AUTS2: variants seen among roughly 807,000 people sequenced by gnomAD.
The protein encoded by AUTS2 is autism susceptibility gene 2 protein.
In AUTS2, 17 loss-of-function variants were observed where a neutral mutation model predicts 112.4. The ratio of observed to expected loss-of-function variants is 0.15; its 90% CI spans 0.10 to 0.23. The LOEUF (loss-of-function observed/expected upper bound fraction) is 0.23. Ranked by LOEUF, AUTS2 falls within the 10% of genes least tolerant of loss-of-function variation. The pLI is 1.00. For synonymous variants in AUTS2, 751 were observed against 702.7 expected (o/e 1.07, Z -1.09); for missense variants, 1,510 against 1,701.6 (o/e 0.89, Z 1.98).
Position 70,029,833 on chromosome 7 carries a change from T to A in AUTS2, c.523-88299T>A, listed in dbSNP as rs372882740. On this transcript the variant is annotated intron_variant, in intron 2 of 18. Transcript: ENST00000342771. ...TCTGTTTACCACAGCAATCGTAATATGAAAAATATGTAAATGGTTGAGTTC... is the reference window on the plus strand; with the variant it reads ...TCTGTTTACCACAGCAATCGTAATAAGAAAAATATGTAAATGGTTGAGTTC... Among the ~76,000 whole-genome samples the A allele has an allele frequency of 3.2e-4, 49 of 152,290 alleles. 1 individual carries two copies. In the South Asian group the frequency reaches 1.0e-2, roughly 31 times the overall value.
chr7:69,634,205 C>T (rs534079595), intron 1 of AUTS2, among the ~76,000 whole-genome samples: 13 of 151,612 alleles, frequency 8.6e-5, no homozygotes, highest in South Asian at 6.3e-4. Context: ...CTGCAAGCTC[C>T]GCCTCCCGGG....
At position 70,179,805 on chromosome 7, in the gene AUTS2, A is replaced by G. The variant is rs547687251; in HGVS notation, c.660+45234A>G. ...ACCTTCATTGCAAATGCTAGGATTC[A>G]TGCTTTGGTTGTACATGAAGGGGAT... is the stretch of plus-strand genomic sequence containing the variant. On this transcript the variant is annotated intron_variant, in intron 4 of 18. Transcript: ENST00000342771. 2.0e-5 allele frequency among the ~76,000 whole-genome samples: 3 copies of G among 152,196 alleles called. No homozygotes were observed. The South Asian group carries it at 6.2e-4, about 32-fold the overall frequency.
chr7:69,950,610 C>G (rs1195427263), intron 2 of AUTS2, among the ~76,000 whole-genome samples: 2 of 152,022 alleles, frequency 1.3e-5, no homozygotes, highest in Non-Finnish European at 2.9e-5. Flanking sequence ...CATTCTTAAA[C>G]AGTGTAAGCA....
chr7:70,353,562 G>A (rs1245040349), intron 4 of AUTS2, among the ~76,000 whole-genome samples: 1 of 152,104 alleles, frequency 6.6e-6, no homozygotes, highest in African/African-American at 2.4e-5. Flanking sequence ...AACTTGATCC[G>A]ATCTTTCTCC....
At chr7:69,889,806 T>C (rs564344040) in intron 1 of AUTS2, among the ~76,000 whole-genome samples, 39 of 152,340 alleles carry the variant, frequency 2.6e-4, no homozygotes, top group Admixed American at 1.0e-3. Context: ...TTTCTTCAGT[T>C]AGCATACCAG....
intron 2 of AUTS2, among the ~76,000 whole-genome samples, chr7:69,985,011 T>C (rs1798447168): frequency 6.6e-6 from 1 of 152,014 alleles, no homozygotes; most frequent in Non-Finnish European, 1.5e-5. Flanking sequence ...GATGATGAAC[T>C]AAAATAAAGC....
At chr7:70,388,250 G>A (rs1341473624) in intron 4 of AUTS2, among the ~76,000 whole-genome samples, 1 of 152,116 alleles carries the variant, frequency 6.6e-6, no homozygotes, top group Admixed American at 6.5e-5. Context: ...CGGGGGTGTG[G>A]AGGGTAGGAA....
intron 4 of AUTS2, among the ~76,000 whole-genome samples, chr7:70,222,514 G>A (rs962679434): frequency 1.3e-5 from 2 of 151,842 alleles, no homozygotes; most frequent in Admixed American, 1.3e-4. Context: ...TTTTTAAAAA[G>A]TGATATTTTT....
At chr7:70,137,268 C>G (rs1485332643) in intron 4 of AUTS2, among the ~76,000 whole-genome samples, 2 of 152,114 alleles carry the variant, frequency 1.3e-5, no homozygotes, top group African/African-American at 4.8e-5. Context: ...AACAAACTTT[C>G]TACATTTTTG....
intron 4 of AUTS2, among the ~76,000 whole-genome samples, chr7:70,361,289 C>T (rs1367264728): frequency 1.3e-5 from 2 of 151,706 alleles, no homozygotes; most frequent in Non-Finnish European, 2.9e-5. Context: ...GCCGAGATCG[C>T]GCCACTGCAC....
At chr7:69,748,194 A>G (rs560133649) in intron 1 of AUTS2, among the ~76,000 whole-genome samples, 2 of 152,210 alleles carry the variant, frequency 1.3e-5, no homozygotes, top group South Asian at 4.1e-4. Flanking sequence ...GCAATTTTAG[A>G]TTTCTTATCT....
At chr7:70,253,235 C>T (rs1212005509) in intron 4 of AUTS2, among the ~76,000 whole-genome samples, 1 of 152,128 alleles carries the variant, frequency 6.6e-6, no homozygotes, top group African/African-American at 2.4e-5. Context: ...TGTATCTACT[C>T]TGCCTTAGTC....
chr7:69,747,155 G>T (rs1752094196), intron 1 of AUTS2, among the ~76,000 whole-genome samples: 1 of 152,226 alleles, frequency 6.6e-6, no homozygotes, highest in African/African-American at 2.4e-5. Flanking sequence ...GTTTAGGGCA[G>T]GGCCCAAGAA....
rs796181771 is a variant in AUTS2, at chr7:69,729,419, ACC to A, written c.309+129467_309+129468del. 2.6e-3 allele frequency among the ~76,000 whole-genome samples: 156 copies of A among 60,478 alleles called. 1 individual carries two copies. The highest frequency in any genetic ancestry group is 7.7e-3 in the African/African-American group (147 of 18,996). The allele number at this position is 60,478 out of a possible 152,430, so 39.7% of individuals were successfully genotyped here. On this transcript the variant is annotated intron_variant, in intron 1 of 18. Transcript: ENST00000342771. ...TTAAGAGTTTTAAATGTCCCCCAACACCCCCCCCCCCATTTTTATACTTTTAT... is the reference window on the plus strand; with the variant it reads ...TTAAGAGTTTTAAATGTCCCCCAACACCCCCCCCCATTTTTATACTTTTAT...
intron 1 of AUTS2, among the ~76,000 whole-genome samples, chr7:69,716,829 A>C (rs1046193273): frequency 1.3e-5 from 2 of 152,114 alleles, no homozygotes; most frequent in African/African-American, 4.8e-5. Flanking sequence ...CCGGGGGGGA[A>C]AAATTTGCTT....
Position 70,395,307 on chromosome 7 carries a change from G to T in AUTS2, c.661-40445G>T, listed in dbSNP as rs117262114. ...TAATCCCAATGCTTTGGGAGGACAA[G>T]GTGAGAGGATCGCCTCTCACCAAGT... On this transcript the variant is annotated intron_variant, in intron 4 of 18. Transcript: ENST00000342771. 2.4e-4 allele frequency among the ~76,000 whole-genome samples: 36 copies of T among 152,086 alleles called. No individual in the cohort carries two copies. In the East Asian group the frequency reaches 6.8e-3, roughly 29 times the overall value.
intron 3 of AUTS2, among the ~76,000 whole-genome samples, chr7:70,129,932 T>C (rs891863712): frequency 1.3e-5 from 2 of 151,296 alleles, no homozygotes; most frequent in Admixed American, 6.6e-5. Context: ...TGTGTGTGTT[T>C]GGTCGGCTAT....
At chr7:70,288,246 A>G (rs1788554408) in intron 4 of AUTS2, among the ~76,000 whole-genome samples, 1 of 151,910 alleles carries the variant, frequency 6.6e-6, no homozygotes, top group Non-Finnish European at 1.5e-5. Context: ...TAAAAATACA[A>G]AAAAAATTAG....
chr7:69,966,343 T>C (rs887745684), intron 2 of AUTS2, among the ~76,000 whole-genome samples: 13 of 152,290 alleles, frequency 8.5e-5, no homozygotes, highest in African/African-American at 3.1e-4. Context: ...CTTCTGGTCA[T>C]GATAAAGCCA....
Sources: allele counts gnomAD v4.1 joint callset (sites outside exome capture counted in the v4.1 genomes callset), GRCh38; gene constraint gnomAD v4.1.1; transcripts MANE v1.5; gene names NCBI Gene and HGNC (gene_info 2026-07-23, HGNC 2026-07-21).